The following HOMER1 variants were observed in gnomAD, a reference collection of about 807,000 sequenced individuals.
HOMER1 encodes the protein homer scaffold protein 1, also known as homer protein homolog 1.
HOMER1 carries 3 observed loss-of-function variants against 48.9 expected under a neutral mutation model. That is an observed-to-expected ratio of 0.06 (90% CI 0.03 to 0.16). HOMER1 has a LOEUF of 0.16. Among genes scored for constraint, HOMER1 ranks in the 10% least tolerant of loss-of-function variants. The probability of loss-of-function intolerance (pLI) is 1.00; values close to 1 mark genes in which losing one functional copy is unlikely to be tolerated. For missense variants in HOMER1, 247 were observed against 411.4 expected (o/e 0.60, Z 3.46); for synonymous variants, 134 against 146.4 (o/e 0.92, Z 0.61).
intron 1 of HOMER1, among the ~76,000 whole-genome samples, chr5:79,477,192 A>C (rs192594990): frequency 8.5e-5 from 13 of 152,358 alleles, no homozygotes; most frequent in Admixed American, 1.3e-4. Context: ...GCATCATAGC[A>C]GTCTAGCCTC....
At chr5:79,502,993 T>G (rs965302248) in intron 1 of HOMER1, among the ~76,000 whole-genome samples, 2 of 152,198 alleles carry the variant, frequency 1.3e-5, no homozygotes, top group South Asian at 2.1e-4. Flanking sequence ...GGTTTCACCG[T>G]GTTAGCCAGG....
chr5:79,446,985 T>C, intron 4 of HOMER1, 68 bp downstream of exon 4: 1 of 995,534 alleles, frequency 1.0e-6, no homozygotes, highest in Non-Finnish European at 1.6e-6. Flanking sequence ...GGAGATTTAA[T>C]TCTGGCATGA....
At chr5:79,483,753 T>TA (rs70975754) in intron 1 of HOMER1, among the ~76,000 whole-genome samples, 2,238 of 133,872 alleles carry the variant, frequency 0.017, 27 homozygotes, top group African/African-American at 0.028. Context: ...ACCGTTTAAG[T>TA]AAAAAAAAAA....
At chr5:79,488,810 T>C (rs1752190895) in intron 1 of HOMER1, among the ~76,000 whole-genome samples, 1 of 152,168 alleles carries the variant, frequency 6.6e-6, no homozygotes, top group Non-Finnish European at 1.5e-5. Flanking sequence ...GGGGCACATA[T>C]TCTCATTTCA....
chr5:79,377,290 T>G lies in HOMER1; in HGVS notation c.877-1093A>C, dbSNP rs1359442308. Reference sequence around the variant, plus strand: ...CTATTACTGCTTTTAAAATTGTCTCTAAATGTGACAAATATAATAAAGTGA... The same window carrying G: ...CTATTACTGCTTTTAAAATTGTCTCGAAATGTGACAAATATAATAAAGTGA... On this transcript the variant is annotated intron_variant, in intron 8 of 8. Coordinates refer to ENST00000334082, the MANE Select transcript of HOMER1 (RefSeq NM_004272.5). Among the ~76,000 whole-genome samples, 23 of 152,126 alleles carry G rather than the reference T, an allele frequency of 1.5e-4. 1 individual carries two copies. The highest frequency in any genetic ancestry group is 1.5e-3 in the Admixed American group (23 of 15,264).
chr5:79,489,715 A>C (rs1030826429), intron 1 of HOMER1, among the ~76,000 whole-genome samples: 1 of 152,206 alleles, frequency 6.6e-6, no homozygotes, highest in African/African-American at 2.4e-5. Flanking sequence ...CTACTTTAAA[A>C]TGTTGATATA....
At chr5:79,429,571 A>G (rs1750362954) in intron 5 of HOMER1, among the ~76,000 whole-genome samples, 1 of 152,220 alleles carries the variant, frequency 6.6e-6, no homozygotes, top group South Asian at 2.1e-4. Flanking sequence ...CATCATATAT[A>G]AAAATCAATG....
chr5:79,402,953 T>C (rs941906365), intron 5 of HOMER1, among the ~76,000 whole-genome samples: 1 of 152,184 alleles, frequency 6.6e-6, no homozygotes, highest in African/African-American at 2.4e-5. Flanking sequence ...AAGACTTGAC[T>C]TCTGATATAA....
At chr5:79,422,476 C>A (rs73120357) in intron 5 of HOMER1, among the ~76,000 whole-genome samples, 34,438 of 151,786 alleles carry the variant, frequency 0.23, 4,023 homozygotes, top group South Asian at 0.32. Context: ...GACTGAAGTA[C>A]AGAAGCAAGG....
intron 5 of HOMER1, among the ~76,000 whole-genome samples, chr5:79,426,045 GA>G (rs777851353): frequency 0.013 from 1,644 of 129,872 alleles, 11 homozygotes; most frequent in Admixed American, 0.018. Context: ...GATGAAAATT[GA>G]AAAAAAAAAA....
chr5:79,438,860 A>C, intron 5 of HOMER1, 150 bp downstream of exon 5: 1 of 615,844 alleles, frequency 1.6e-6, no homozygotes. Flanking sequence ...TTCATTTCTG[A>C]GGTTAACAGA....
intron 1 of HOMER1, among the ~76,000 whole-genome samples, chr5:79,479,506 A>G (rs887751302): frequency 6.6e-6 from 1 of 152,194 alleles, no homozygotes; most frequent in Non-Finnish European, 1.5e-5. Flanking sequence ...TGCTGGCTCT[A>G]AAGATGAAGG....
intron 5 of HOMER1, among the ~76,000 whole-genome samples, chr5:79,403,292 T>G (rs111266635): frequency 6.6e-6 from 1 of 152,170 alleles, no homozygotes; most frequent in Non-Finnish European, 1.5e-5. Flanking sequence ...GATAAATCAT[T>G]TGTATTCTAG....
At chr5:79,414,801 T>A (rs1260892098) in intron 5 of HOMER1, among the ~76,000 whole-genome samples, 1 of 152,092 alleles carries the variant, frequency 6.6e-6, no homozygotes, top group East Asian at 1.9e-4. Context: ...TCAGACTCCT[T>A]CTCTGCCTAA....
intron 1 of HOMER1, among the ~76,000 whole-genome samples, chr5:79,499,312 TGG>T: frequency 6.6e-6 from 1 of 152,194 alleles, no homozygotes; most frequent in African/African-American, 2.4e-5. Context: ...AGCTGACTGA[TGG>T]AATTTACATT....
At chr5:79,480,477 A>G (rs1296111116) in intron 1 of HOMER1, among the ~76,000 whole-genome samples, 1 of 152,188 alleles carries the variant, frequency 6.6e-6, no homozygotes, top group Non-Finnish European at 1.5e-5. Context: ...ACTTTTCACT[A>G]CTTATAGAAA....
At chr5:79,399,449 C>G (rs1749478624) in intron 6 of HOMER1, among the ~76,000 whole-genome samples, 1 of 152,180 alleles carries the variant, frequency 6.6e-6, no homozygotes. Flanking sequence ...TGAAGTTCTG[C>G]TAGTCCCTGC....
At chr5:79,408,323 T>C (rs2112229479) in intron 5 of HOMER1, among the ~76,000 whole-genome samples, 1 of 152,244 alleles carries the variant, frequency 6.6e-6, no homozygotes, top group African/African-American at 2.4e-5. Context: ...AAAATGAAGG[T>C]GAAATAAAGA....
chr5:79,391,563 T>A (rs1440222494), intron 8 of HOMER1, among the ~76,000 whole-genome samples: 2 of 151,510 alleles, frequency 1.3e-5, no homozygotes, highest in Admixed American at 6.6e-5. Flanking sequence ...GCTAACACGG[T>A]GAAACTCCGT....
Sources: allele counts gnomAD v4.1 joint callset (sites outside exome capture counted in the v4.1 genomes callset), GRCh38; gene constraint gnomAD v4.1.1; transcripts MANE v1.5; gene names NCBI Gene and HGNC (gene_info 2026-07-23, HGNC 2026-07-21).